Variants in COL14A1 observed in about 807,000 individuals in gnomAD.
The protein encoded by COL14A1 is collagen alpha-1(XIV) chain.
In COL14A1, 136 loss-of-function variants were observed where a neutral mutation model predicts 230.3. The ratio of observed to expected loss-of-function variants is 0.59; its 90% CI spans 0.51 to 0.68. The LOEUF is 0.68. COL14A1 is among the 30% of genes least tolerant of loss of function. The probability of loss-of-function intolerance (pLI) is 0.00; values close to 1 mark genes in which losing one functional copy is unlikely to be tolerated. For missense variants in COL14A1, 1,976 were observed against 2,215.8 expected, an observed-to-expected ratio of 0.89 and a Z score of 2.17; for synonymous variants, 792 against 784.1, an observed-to-expected ratio of 1.01 and a Z score of -0.17.
At chr8:120,152,331 C>G (rs563380322) in intron 2 of COL14A1, among the ~76,000 whole-genome samples, 1 of 151,586 alleles carries the variant, frequency 6.6e-6, no homozygotes. Context: ...GGCGTGGTGG[C>G]GGGCGCCTGT....
intron 40 of COL14A1, among the ~76,000 whole-genome samples, chr8:120,322,425 G>T (rs1821484170): frequency 6.6e-6 from 1 of 152,026 alleles, no homozygotes; most frequent in African/African-American, 2.4e-5. Context: ...AGATATGCAG[G>T]CTTGTTACAT....
At chr8:120,236,757 G>C (rs557046624) in intron 19 of COL14A1, among the ~76,000 whole-genome samples, 1 of 152,102 alleles carries the variant, frequency 6.6e-6, no homozygotes, top group Admixed American at 6.6e-5. Context: ...GGCTGGTACC[G>C]GTTTTTACTT....
At chr8:120,252,447 AGTG>A (rs1295036260) in intron 22 of COL14A1, among the ~76,000 whole-genome samples, 2 of 152,230 alleles carry the variant, frequency 1.3e-5, no homozygotes, top group African/African-American at 4.8e-5. Context: ...CCAAAATACA[AGTG>A]GTTTGGCTGT....
rs1472395025 is a variant in COL14A1, at chr8:120,346,662, A to G, written c.5077+1099A>G. On this transcript the variant is annotated intron_variant, in intron 45 of 47. Coordinates refer to ENST00000297848, the MANE Select transcript of COL14A1 (RefSeq NM_021110.4). The stretch of plus-strand genomic sequence containing the variant: ...CCTTTCCTTCCTTTGTCTTCCATAC[A>G]TCTTACTCTTAGTTCAAGGCTCAGC... Among the ~76,000 whole-genome samples the G allele has an allele frequency of 9.2e-5, 14 of 152,086 alleles. 2 individuals carry two copies. In the South Asian group the frequency reaches 2.7e-3, roughly 29 times the overall value.
rs1817964657 is a variant in COL14A1, at chr8:120,222,596, C to G, written c.1738-2492C>G. ...ACAGCACAATGGTACAGTACAATGACAGCTCTTTTTTCCAGGGTTGGCACT... is the reference window on the plus strand; with the variant it reads ...ACAGCACAATGGTACAGTACAATGAGAGCTCTTTTTTCCAGGGTTGGCACT... On this transcript the variant is annotated intron_variant, in intron 14 of 47. Transcript: ENST00000297848. 2.0e-5 allele frequency among the ~76,000 whole-genome samples: 3 copies of G among 152,170 alleles called. No homozygotes were observed. In the South Asian group the frequency reaches 6.2e-4, roughly 31 times the overall value.
At chr8:120,330,908 C>T (rs867173498) in intron 40 of COL14A1, among the ~76,000 whole-genome samples, 5 of 152,060 alleles carry the variant, frequency 3.3e-5, no homozygotes, top group African/African-American at 7.2e-5. Flanking sequence ...GAGTTCGAGA[C>T]GAGTCTGACG....
At chr8:120,166,905 T>TGTG (rs2130570649) in intron 4 of COL14A1, among the ~76,000 whole-genome samples, 1 of 149,430 alleles carries the variant, frequency 6.7e-6, no homozygotes, top group African/African-American at 2.5e-5. Flanking sequence ...TGTGTGTGTG[T>TGTG]GTGTGTGTGT....
intron 42 of COL14A1, among the ~76,000 whole-genome samples, chr8:120,338,459 G>A (rs1359355858): frequency 1.3e-5 from 2 of 152,092 alleles, no homozygotes; most frequent in African/African-American, 4.8e-5. Flanking sequence ...TTGAGCAAGT[G>A]ACAAGACCTC....
intron 5 of COL14A1, among the ~76,000 whole-genome samples, chr8:120,181,439 T>C (rs144184559): frequency 1.3e-5 from 2 of 152,176 alleles, no homozygotes; most frequent in Non-Finnish European, 2.9e-5. Flanking sequence ...CAAACAATGA[T>C]GTAACACATA....
chr8:120,279,889 T>A (rs1819983907), intron 28 of COL14A1, 46 bp from the exon 29 acceptor site: 1 of 1,595,662 alleles, frequency 6.3e-7, no homozygotes, highest in Non-Finnish European at 8.6e-7. Context: ...TATTTGTGTT[T>A]TGTACAATTT....
At chr8:120,351,504 GA>G (rs1822775428) in intron 45 of COL14A1, among the ~76,000 whole-genome samples, 1 of 78,532 alleles carries the variant, frequency 1.3e-5, no homozygotes, top group Admixed American at 1.4e-4. Flanking sequence ...GACTAATAAA[GA>G]AAAAAAGAGA....
At chr8:120,253,282 T>G (rs1819033457) in intron 22 of COL14A1, among the ~76,000 whole-genome samples, 1 of 152,156 alleles carries the variant, frequency 6.6e-6, no homozygotes, top group Non-Finnish European at 1.5e-5. Context: ...GTGCTGGGAT[T>G]ACAGGCGTGA....
intron 42 of COL14A1, among the ~76,000 whole-genome samples, chr8:120,334,938 A>G (rs1821999806): frequency 6.6e-6 from 1 of 152,250 alleles, no homozygotes; most frequent in Non-Finnish European, 1.5e-5. Flanking sequence ...GTGAAATTAG[A>G]AAACACCCAA....
intron 35 of COL14A1, among the ~76,000 whole-genome samples, chr8:120,300,499 C>T (rs1282670091): frequency 2.0e-5 from 3 of 151,904 alleles, no homozygotes; most frequent in Non-Finnish European, 4.4e-5. Flanking sequence ...ACCTGGATTC[C>T]CAAGCTGGTT....
intron 45 of COL14A1, among the ~76,000 whole-genome samples, chr8:120,355,816 C>G (rs1288491494): frequency 6.6e-6 from 1 of 152,164 alleles, no homozygotes; most frequent in Non-Finnish European, 1.5e-5. Context: ...ACCTAACCAT[C>G]TAAAGATTTT....
chr8:120,184,232 T>G (rs1344509456), intron 5 of COL14A1, among the ~76,000 whole-genome samples: 22 of 70,948 alleles, frequency 3.1e-4, no homozygotes, highest in African/African-American at 8.3e-4. Flanking sequence ...GAGATTTATT[T>G]ATTTATTTAT....
intron 5 of COL14A1, among the ~76,000 whole-genome samples, chr8:120,187,207 T>C (rs1206016874): frequency 6.6e-6 from 1 of 152,246 alleles, no homozygotes; most frequent in Non-Finnish European, 1.5e-5. Flanking sequence ...TTAATTTGAA[T>C]ACCATTAGAA....
At chr8:120,313,642 G>A (rs1030756643) in intron 37 of COL14A1, among the ~76,000 whole-genome samples, 1 of 151,918 alleles carries the variant, frequency 6.6e-6, no homozygotes, top group Non-Finnish European at 1.5e-5. Context: ...GAGTGTGGGG[G>A]GTCTCATTAC....
In COL14A1 at chr8:120,199,493, T is replaced by C; in HGVS notation, c.804T>C (p.Asp268=). The change falls in exon 8 of 48, where the codon GAT becomes GAC. Residue 268 remains aspartate (D), a synonymous_variant. Coordinates refer to ENST00000297848, the MANE Select transcript of COL14A1 (RefSeq NM_021110.4). Reference sequence around the variant, plus strand: ...CCAAAATTGGCATTTTAATCACAGATGGAAAATCCCAAGATGACATTATTC... The same window carrying C: ...CCAAAATTGGCATTTTAATCACAGACGGAAAATCCCAAGATGACATTATTC... The part of the protein sequence containing the change: ...GVSKIGILIT[D]GKSQDDIIPP... The C allele has an allele frequency of 6.2e-7, 1 of 1,613,032 alleles. No individual in the cohort carries two copies. Among genetic ancestry groups the C allele is most frequent in the South Asian group, 1.1e-5 (1 of 90,764 alleles).
Sources: gnomAD v4.1 joint callset for allele counts (sites outside exome capture counted in the v4.1 genomes callset) on GRCh38, gnomAD v4.1.1 for gene constraint, MANE v1.5 for transcripts, NCBI Gene and HGNC (gene_info 2026-07-23, HGNC 2026-07-21) for gene names.